CAPZA1: variants seen among roughly 807,000 people sequenced by gnomAD.
CAPZA1 encodes the protein F-actin-capping protein subunit alpha-1.
Under a neutral mutation model 40.8 loss-of-function variants are expected in CAPZA1, and 10 were observed. The observed-to-expected ratio is 0.25, with a 90% confidence interval of 0.15 to 0.42. CAPZA1 has a LOEUF of 0.42. CAPZA1 is among the 10% of genes least tolerant of loss of function. CAPZA1 has a pLI of 1.00. For missense variants in CAPZA1, 277 were observed against 353.8 expected (o/e 0.78, Z 1.74); for synonymous variants, 98 against 115.0 (o/e 0.85, Z 0.95).
At chr1:112,620,006 C>G in intron 1 of CAPZA1, 123 bp downstream of exon 1, 1 of 742,054 alleles carries the variant, frequency 1.3e-6, no homozygotes, top group Non-Finnish European at 2.2e-6. Flanking sequence ...TGCTGACATA[C>G]GCTCTCCGCA....
intron 7 of CAPZA1, among the ~76,000 whole-genome samples, chr1:112,666,649 G>A (rs758186771): frequency 2.6e-5 from 4 of 152,146 alleles, no homozygotes; most frequent in Non-Finnish European, 4.4e-5. Flanking sequence ...CAACATTGAT[G>A]ATAATGTATA....
chr1:112,622,222 TA>T (rs1247720251), intron 1 of CAPZA1, among the ~76,000 whole-genome samples: 2 of 152,242 alleles, frequency 1.3e-5, no homozygotes, highest in Non-Finnish European at 2.9e-5. Flanking sequence ...AGTTTCCTTG[TA>T]AATATTTATG....
intron 5 of CAPZA1, among the ~76,000 whole-genome samples, chr1:112,656,435 G>A (rs987373803): frequency 1.5e-4 from 5 of 34,214 alleles, no homozygotes; most frequent in Admixed American, 3.7e-4. Flanking sequence ...GTGTCATTAT[G>A]TTTGATTTTT....
intron 5 of CAPZA1, among the ~76,000 whole-genome samples, chr1:112,655,468 CACTG>C (rs1671477284): frequency 2.0e-5 from 3 of 147,198 alleles, no homozygotes; most frequent in Non-Finnish European, 3.0e-5. Context: ...CAGAGTGAGA[CACTG>C]TCTCAAAAAA....
chr1:112,657,161 A>G (rs1158926076), intron 5 of CAPZA1, among the ~76,000 whole-genome samples: 1 of 151,996 alleles, frequency 6.6e-6, no homozygotes, highest in African/African-American at 2.4e-5. Flanking sequence ...CAGCTTCCCA[A>G]GTAGCTAGGA....
intron 1 of CAPZA1, among the ~76,000 whole-genome samples, chr1:112,624,398 C>G (rs1016837898): frequency 6.6e-6 from 1 of 152,018 alleles, no homozygotes; most frequent in Non-Finnish European, 1.5e-5. Flanking sequence ...CATCTGAGGT[C>G]AGGAGTTAGA....
rs1671809815 is a variant in CAPZA1 at position 112,670,541 on chromosome 1, T to C, written c.*409T>C. On this transcript the variant is annotated 3_prime_UTR_variant, in exon 10 of 10. Coordinates refer to ENST00000263168, the MANE Select transcript of CAPZA1 (RefSeq NM_006135.3). ...CTATCCTTCCAAGCACTTCTGGTAC[T>C]TCAGTCGTTTTTACTGATCCACCAA... 1 of 158,720 alleles carries C rather than the reference T, an allele frequency of 6.3e-6. No individual in the cohort carries two copies. The highest frequency in any genetic ancestry group is 6.4e-5 in the Admixed American group (1 of 15,722). 9.8% of individuals were successfully genotyped at this position (158,720 alleles called of 1,614,324 possible).
intron 1 of CAPZA1, among the ~76,000 whole-genome samples, chr1:112,629,193 G>A (rs1241356731): frequency 6.6e-6 from 1 of 152,134 alleles, no homozygotes; most frequent in Non-Finnish European, 1.5e-5. Context: ...TCTGGTCTTT[G>A]TTCCAATCAC....
chr1:112,632,539 C>A (rs554001809), intron 1 of CAPZA1, among the ~76,000 whole-genome samples: 31 of 151,854 alleles, frequency 2.0e-4, no homozygotes, highest in South Asian at 4.2e-4. Flanking sequence ...TAAAACTGGG[C>A]TAGGCAGGCC....
intron 1 of CAPZA1, among the ~76,000 whole-genome samples, chr1:112,623,883 G>A (rs1349041303): frequency 1.3e-5 from 2 of 151,004 alleles, no homozygotes; most frequent in African/African-American, 2.4e-5. Flanking sequence ...GCAGGTGCCT[G>A]TAGTCCCAGC....
chr1:112,639,485 C>T (rs1379047906), intron 1 of CAPZA1, among the ~76,000 whole-genome samples: 1 of 152,016 alleles, frequency 6.6e-6, no homozygotes, highest in East Asian at 1.9e-4. Flanking sequence ...TCATATAATC[C>T]CCTTGTTTAA....
At chr1:112,654,225 T>C (rs530950273) in intron 4 of CAPZA1, among the ~76,000 whole-genome samples, 1 of 152,188 alleles carries the variant, frequency 6.6e-6, no homozygotes. Context: ...TATGTATAAG[T>C]ATATATTAGA....
Position 112,650,823 on chromosome 1 carries a change from C to T in CAPZA1, c.155+1354C>T, listed in dbSNP as rs1040385896. On this transcript the variant is annotated intron_variant, in intron 3 of 9. Transcript: ENST00000263168. The stretch of plus-strand genomic sequence containing the variant: ...AAAGAGAAGTTGGTATGTAGCTTCT[C>T]GGCCTTTTGGCTAAGATTAAGAGAA... Among the ~76,000 whole-genome samples, 8 of 152,186 alleles carry T rather than the reference C, an allele frequency of 5.3e-5. No homozygotes were observed. The East Asian group carries it at 5.8e-4, about 11-fold the overall frequency.
intron 7 of CAPZA1, among the ~76,000 whole-genome samples, chr1:112,662,726 G>T (rs754142807): frequency 2.0e-5 from 3 of 151,922 alleles, no homozygotes; most frequent in Non-Finnish European, 4.4e-5. Context: ...ATCAAAAACA[G>T]TGAGGCTTAT....
At chr1:112,624,177 A>G (rs1670749830) in intron 1 of CAPZA1, among the ~76,000 whole-genome samples, 4 of 152,250 alleles carry the variant, frequency 2.6e-5, no homozygotes, top group Admixed American at 2.0e-4. Context: ...TGCTAAACAA[A>G]GTAGTGTAAA....
chr1:112,662,693 T>C (rs932463741), intron 7 of CAPZA1, among the ~76,000 whole-genome samples: 4 of 151,356 alleles, frequency 2.6e-5, no homozygotes, highest in Middle Eastern at 3.2e-3. Flanking sequence ...CCACTGCGCC[T>C]GGCCCTAGAA....
rs145160862 is a variant in CAPZA1, at chr1:112,634,100, G to A, written c.40-13110G>A. On this transcript the variant is annotated intron_variant, in intron 1 of 9. Transcript: ENST00000263168. ...AGCTTTTTAGTTTGATGCAACATCC[G>A]AAATATCTTCAAATGGGAAAAACTC... Among the ~76,000 whole-genome samples, 683 of 152,082 alleles carry A rather than the reference G, an allele frequency of 4.5e-3. 14 individuals are homozygous for A. Among genetic ancestry groups the A allele is most frequent in the Admixed American group, 0.032 (486 of 15,268 alleles).
intron 1 of CAPZA1, among the ~76,000 whole-genome samples, chr1:112,634,347 T>C (rs1214330027): frequency 6.6e-6 from 1 of 152,220 alleles, no homozygotes; most frequent in Admixed American, 6.5e-5. Flanking sequence ...TTAAAAACTT[T>C]GAAATATGTG....
At chr1:112,658,929 C>T (rs1297658116) in intron 5 of CAPZA1, 93 bp from the exon 6 acceptor site, 18 of 897,802 alleles carry the variant, frequency 2.0e-5, no homozygotes, top group Non-Finnish European at 3.3e-5. Context: ...TCTTTGTCTC[C>T]CCCAAGGATT....
Sources: allele counts gnomAD v4.1 joint callset (sites outside exome capture counted in the v4.1 genomes callset), GRCh38; gene constraint gnomAD v4.1.1; transcripts MANE v1.5; gene names NCBI Gene and HGNC (gene_info 2026-07-23, HGNC 2026-07-21).